Variants in C2CD5 observed in about 807,000 individuals in gnomAD.
C2CD5 encodes C2 domain-containing protein 5.
In C2CD5, 109 loss-of-function variants were observed where a neutral mutation model predicts 130.3. The observed-to-expected ratio is 0.84, with a 90% CI of 0.72 to 0.98. C2CD5 has a LOEUF of 0.98. C2CD5 is among the 50% of genes least tolerant of loss of function. The pLI, the probability that C2CD5 is intolerant of heterozygous loss-of-function variation, is 0.00. For missense variants in C2CD5, 996 were observed against 1,261.8 expected (o/e 0.79, Z 3.19); for synonymous variants, 454 against 429.2 (o/e 1.06, Z -0.71).
At chr12:22,486,991 C>T (rs7314532) in intron 12 of C2CD5, among the ~76,000 whole-genome samples, 5,537 of 152,082 alleles carry the variant, frequency 0.036, 360 homozygotes, top group African/African-American at 0.13. Flanking sequence ...CTGGGAAAAC[C>T]GGCTAGCCAT....
At chr12:22,517,533 T>C (rs928091283) in intron 8 of C2CD5, among the ~76,000 whole-genome samples, 6 of 152,066 alleles carry the variant, frequency 3.9e-5, no homozygotes, top group South Asian at 2.1e-4. Flanking sequence ...AGTTAATAAA[T>C]AGATAGATGT....
chr12:22,452,275 T>A (rs937199602), intron 26 of C2CD5, among the ~76,000 whole-genome samples: 1 of 152,176 alleles, frequency 6.6e-6, no homozygotes, highest in Non-Finnish European at 1.5e-5. Flanking sequence ...TCAAGTGATA[T>A]CAAATACTCC....
intron 8 of C2CD5, chr12:22,515,140 T>C: frequency 1.0e-6 from 1 of 984,790 alleles, no homozygotes; most frequent in Non-Finnish European, 1.2e-6. Context: ...TAGGTCCCTG[T>C]GGGTAAGGTG....
In C2CD5 at chr12:22,482,726, T is replaced by G; in HGVS notation, c.1568A>C (p.Lys523Thr). Residue 523 changes from lysine (K) to threonine (T), a missense_variant, in exon 14 of 27, where the codon AAG (lysine) becomes ACG (threonine). Lys to Thr is a moderately conservative substitution (Grantham distance 78, BLOSUM62 -1). This residue lies in a region of C2CD5 where 590 missense variants were observed against 631.4 expected (regional missense o/e 0.93). Transcript: ENST00000446597. ...AGCATTTGCTTCTGCCTGTGCTTTC[T>G]TTTTTAAGCGACATAACCTGTAAAG... ...LIQARLCRLK[K>T]KAQAEANATA... 6.2e-7 allele frequency: 1 copy of G among 1,612,954 alleles called. No homozygotes were observed. Among genetic ancestry groups the G allele is most frequent in the Non-Finnish European group, 8.5e-7 (1 of 1,179,108 alleles).
At chr12:22,490,037 GAGA>G (rs770229400) in intron 12 of C2CD5, 83 bp downstream of exon 12, 11 of 930,992 alleles carry the variant, frequency 1.2e-5, no homozygotes, top group South Asian at 5.6e-5. Context: ...CCACCCTACG[GAGA>G]AGAATTATCC....
At chr12:22,503,505 A>T (rs897081854) in intron 10 of C2CD5, among the ~76,000 whole-genome samples, 6 of 152,100 alleles carry the variant, frequency 3.9e-5, no homozygotes, top group Admixed American at 3.9e-4. Context: ...AATCCGAAGA[A>T]TGTGACATTT....
At chr12:22,533,541 A>G (rs1283200723) in intron 3 of C2CD5, among the ~76,000 whole-genome samples, 1 of 152,216 alleles carries the variant, frequency 6.6e-6, no homozygotes, top group South Asian at 2.1e-4. Context: ...AAGAGGGCAG[A>G]AACTGCAGGG....
At chr12:22,524,273 C>T (rs1029256106) in intron 6 of C2CD5, among the ~76,000 whole-genome samples, 199 bp downstream of exon 6, 2 of 152,164 alleles carry the variant, frequency 1.3e-5, no homozygotes, top group Non-Finnish European at 1.5e-5. Flanking sequence ...TTTCCTTTTA[C>T]TACAAGCTTC....
chr12:22,532,090 G>A (rs1951334249), intron 3 of C2CD5, among the ~76,000 whole-genome samples: 1 of 152,082 alleles, frequency 6.6e-6, no homozygotes, highest in Non-Finnish European at 1.5e-5. Context: ...CAGCACTTTG[G>A]GAGGCCAAGG....
chr12:22,472,289 T>A lies in C2CD5; in HGVS notation c.2166A>T (p.Ile722=). 6.7e-7 allele frequency: 1 copy of A among 1,497,170 alleles called. No individual in the cohort carries two copies. Among genetic ancestry groups the A allele is most frequent in the Non-Finnish European group, 9.2e-7 (1 of 1,091,148 alleles). The allele number at this position is 1,497,170 out of a possible 1,614,324, so 92.7% of individuals were successfully genotyped here. A position where few individuals can be genotyped will look rare whatever the true frequency, so the allele number is the denominator to read the frequency against. The change falls in exon 18 of 27, where the codon ATA becomes ATT. Residue 722 remains isoleucine, a synonymous_variant. Transcript: ENST00000446597. ...MPGINNWTSE[I]QMFTSVRVIR... ...AAATTAAGAAAAAAAGGTTTACCTGTATTTCAGAGGTCCAATTATTTATAC... is the reference window on the plus strand; with the variant it reads ...AAATTAAGAAAAAAAGGTTTACCTGAATTTCAGAGGTCCAATTATTTATAC...
rs567115837 is a variant in C2CD5, at chr12:22,473,838, C to G, written c.2043+913G>C. Among the ~76,000 whole-genome samples, 11 of 152,258 alleles carry G rather than the reference C, an allele frequency of 7.2e-5. No homozygotes were observed. In the East Asian group the frequency reaches 2.1e-3, roughly 29 times the overall value. On this transcript the variant is annotated intron_variant, in intron 16 of 26. Coordinates refer to ENST00000446597, the MANE Select transcript of C2CD5 (RefSeq NM_001286176.2). ...GAGTAGCATTGCTGTAAATAGTACC[C>G]TGGAACTTTTAACCTCCTTGACCTG...
intron 15 of C2CD5, among the ~76,000 whole-genome samples, chr12:22,476,461 A>G (rs1259034648): frequency 6.6e-6 from 1 of 152,158 alleles, no homozygotes; most frequent in Non-Finnish European, 1.5e-5. Context: ...CATCCTCAAC[A>G]CATGAAATTC....
At chr12:22,503,725 C>T (rs972339365) in intron 10 of C2CD5, among the ~76,000 whole-genome samples, 2 of 152,092 alleles carry the variant, frequency 1.3e-5, no homozygotes, top group Non-Finnish European at 2.9e-5. Flanking sequence ...CTGCCCAGGC[C>T]GGTCTCAAAC....
chr12:22,497,319 C>T (rs1450900276), intron 10 of C2CD5, among the ~76,000 whole-genome samples: 1 of 152,048 alleles, frequency 6.6e-6, no homozygotes, highest in East Asian at 1.9e-4. Context: ...ACTTAGAAAT[C>T]ATAAATACTC....
At chr12:22,488,973 G>A (rs1369858222) in intron 12 of C2CD5, among the ~76,000 whole-genome samples, 1 of 151,290 alleles carries the variant, frequency 6.6e-6, no homozygotes, top group Non-Finnish European at 1.5e-5. Flanking sequence ...CCAGGCTCAA[G>A]CAATCAATTC....
In C2CD5 at chr12:22,540,735, T is replaced by G. The variant is rs534362064; in HGVS notation, c.90+3326A>C. On this transcript the variant is annotated intron_variant, in intron 2 of 26. Transcript: ENST00000446597. ...TTAGCTGGGCGCGGAGGCAAGCACC[T>G]GTAATCCCAGCTACTCTGGAGGCTG... 7.2e-5 allele frequency among the ~76,000 whole-genome samples: 11 copies of G among 152,202 alleles called. No homozygotes were observed. In the East Asian group the frequency reaches 1.2e-3, roughly 16 times the overall value.
intron 3 of C2CD5, among the ~76,000 whole-genome samples, chr12:22,530,513 A>ATT (rs143808610): frequency 0.052 from 7,924 of 151,644 alleles, 696 homozygotes; most frequent in African/African-American, 0.18. Flanking sequence ...GCTGGAGTGC[A>ATT]ATGGCGTGAT....
Position 22,543,967 on chromosome 12 carries a change from G to T in C2CD5, c.90+94C>A, listed in dbSNP as rs1452485235. 5 of 936,880 alleles carry T rather than the reference G, an allele frequency of 5.3e-6. No individual in the cohort carries two copies. The Admixed American group carries it at 7.6e-5, about 14-fold the overall frequency. 58.0% of individuals were successfully genotyped at this position (936,880 alleles called of 1,614,324 possible). ...CACGGCCGAAGGGAGGGCAGTCGAG[G>T]GGGGAATAGGCTGAGGGGCTGGGGG... On this transcript the variant is annotated intron_variant, in intron 2 of 26. Coordinates refer to ENST00000446597, the MANE Select transcript of C2CD5 (RefSeq NM_001286176.2).
At chr12:22,523,938 C>T (rs1283201353) in intron 6 of C2CD5, among the ~76,000 whole-genome samples, 1 of 151,798 alleles carries the variant, frequency 6.6e-6, no homozygotes, top group South Asian at 2.1e-4. Flanking sequence ...TATATTCACA[C>T]ATATACACAT....
Sources: gnomAD v4.1 joint callset for allele counts (sites outside exome capture counted in the v4.1 genomes callset) on GRCh38, gnomAD v4.1.1 for gene constraint, gnomAD v4.1.1 regional missense constraint, MANE v1.5 for transcripts, NCBI Gene and HGNC (gene_info 2026-07-23, HGNC 2026-07-21) for gene names.